GMPPB: variants seen among roughly 807,000 people sequenced by gnomAD.
GMPPB encodes mannose-1-phosphate guanylyltransferase catalytic subunit beta.
GMPPB carries 38 observed loss-of-function variants against 40.3 expected under a neutral mutation model. The observed-to-expected ratio is 0.94, with a 90% CI of 0.73 to 1.24. The LOEUF (loss-of-function observed/expected upper bound fraction) is 1.24. Among genes scored for constraint, GMPPB ranks in the 50% most tolerant of loss-of-function variants. The pLI is 0.00. For missense variants in GMPPB, 436 were observed against 487.1 expected, an observed-to-expected ratio of 0.90 and a Z score of 0.99; for synonymous variants, 193 against 191.8, an observed-to-expected ratio of 1.01 and a Z score of -0.05.
At chr3:49,722,915 T>A in intron 4 of GMPPB, 57 bp downstream of exon 4, 1 of 1,583,986 alleles carries the variant, frequency 6.3e-7, no homozygotes, top group Non-Finnish European at 8.6e-7. Flanking sequence ...CTAGGGGGCA[T>A]GGGAGGCTGG....
At position 49,721,734 on chromosome 3, in the gene GMPPB, C is replaced by T; in HGVS notation, c.*18G>A. On this transcript the variant is annotated 3_prime_UTR_variant, in exon 9 of 9. Transcript: ENST00000308388. ...GCTGATGGGAAAACCGGGGCTCGGC[C>T]AGCCCCACTGCATCCCCTCACATGA... 1 of 1,581,744 alleles carries T rather than the reference C, an allele frequency of 6.3e-7. No homozygotes were observed. Among genetic ancestry groups the T allele is most frequent in the South Asian group, 1.1e-5 (1 of 87,372 alleles).
chr3:49,723,925 G>T lies in GMPPB; in HGVS notation c.-199C>A. 2 of 527,898 alleles carry T rather than the reference G, an allele frequency of 3.8e-6. No homozygotes were observed. Among genetic ancestry groups the T allele is most frequent in the Non-Finnish European group, 6.4e-6 (2 of 312,976 alleles). The allele number at this position is 527,898 out of a possible 1,614,324, so 32.7% of individuals were successfully genotyped here. ...CCGCCACAACACAGAACGCGACACC[G>T]GGTAGACGGCTGCTGGCCCCGAACT... On this transcript the variant is annotated 5_prime_UTR_variant, in exon 1 of 9. Coordinates refer to ENST00000308388, the MANE Select transcript of GMPPB (RefSeq NM_021971.4).
rs1200883068 is a variant in GMPPB at position 49,722,072 on chromosome 3, C to T, written c.844G>A (p.Asp282Asn). Residue 282 changes from aspartate to asparagine, a missense_variant, in exon 8 of 9, where the codon GAT (aspartate) becomes AAT (asparagine). By Grantham distance (23) the Asp-to-Asn change is conservative. Coordinates refer to ENST00000308388, the MANE Select transcript of GMPPB (RefSeq NM_021971.4). ...GTGCACCGCCGGATACACACACCAT[C>T]TTCGACCACCACGCCAGGTCCCAGG... is the stretch of plus-strand genomic sequence containing the variant. Reference protein sequence around the residue: ...VSLGPGVVVEDGVCIRRCTVL... With the variant: ...VSLGPGVVVENGVCIRRCTVL... 3.1e-6 allele frequency: 5 copies of T among 1,613,498 alleles called. No homozygotes were observed. The African/African-American group carries it at 5.3e-5, about 17-fold the overall frequency.
chr3:49,720,353 C>A lies in GMPPB; in HGVS notation c.*1399G>T. On this transcript the variant is annotated 3_prime_UTR_variant, in exon 9 of 9. Coordinates refer to ENST00000308388, the MANE Select transcript of GMPPB (RefSeq NM_021971.4). ...AAAAAACAGGCTGTGTGGCACCTTA[C>A]TAGAATACAGGACTTGGGGTTTGGG... 1.2e-5 allele frequency: 7 copies of A among 589,646 alleles called. No individual in the cohort carries two copies. Among genetic ancestry groups the A allele is most frequent in the Non-Finnish European group, 1.9e-5 (7 of 375,338 alleles). The allele number at this position is 589,646 out of a possible 1,614,324, so 36.5% of individuals were successfully genotyped here. A position where few individuals can be genotyped will look rare whatever the true frequency, so the allele number is the denominator to read the frequency against.
At chr3:49,722,871 C>T (rs2080439383) in intron 4 of GMPPB, 101 bp downstream of exon 4, 1 of 1,501,068 alleles carries the variant, frequency 6.7e-7, no homozygotes, top group Non-Finnish European at 9.1e-7. Context: ...TACTGCACAG[C>T]TCTGTATCCA....
chr3:49,722,629 G>A lies in GMPPB; in HGVS notation c.528C>T (p.Tyr176=), dbSNP rs142451427. The change falls in exon 5 of 9, where the codon TAC becomes TAT. Residue 176 remains tyrosine (Y), a synonymous_variant. Coordinates refer to ENST00000308388, the MANE Select transcript of GMPPB (RefSeq NM_021971.4). ...FVSNKINAGM[Y]ILSPAVLQRI... ...GCTGCAGCACTGCAGGGCTCAGGAT[G>A]TACATGCCTGCGTTGATCTTATTGG... 5 of 1,614,028 alleles carry A rather than the reference G, an allele frequency of 3.1e-6. No individual in the cohort carries two copies. The highest frequency in any genetic ancestry group is 4.2e-6 in the Non-Finnish European group (5 of 1,180,042).
Position 49,720,766 on chromosome 3 carries a change from T to C in GMPPB, c.*986A>G. The C allele has an allele frequency of 6.2e-7, 1 of 1,613,360 alleles. No individual in the cohort carries two copies. Among genetic ancestry groups the C allele is most frequent in the Non-Finnish European group, 8.5e-7 (1 of 1,179,286 alleles). ...ATTCAAGAGGCATCACATCCTCAGCTACCTCTGACTTGACACTACCTACCA... is the reference window on the plus strand; with the variant it reads ...ATTCAAGAGGCATCACATCCTCAGCCACCTCTGACTTGACACTACCTACCA... On this transcript the variant is annotated 3_prime_UTR_variant, in exon 9 of 9. Transcript: ENST00000308388.
Position 49,721,451 on chromosome 3 carries a change from G to T in GMPPB, c.*301C>A. The T allele has an allele frequency of 9.0e-7, 1 of 1,111,966 alleles. No homozygotes were observed. Among genetic ancestry groups the T allele is most frequent in the Non-Finnish European group, 1.4e-6 (1 of 727,250 alleles). The allele number at this position is 1,111,966 out of a possible 1,614,324, so 68.9% of individuals were successfully genotyped here. On this transcript the variant is annotated 3_prime_UTR_variant, in exon 9 of 9. Transcript: ENST00000308388. ...CCTGCCTGTATCCTCATTGGTGGGAGCCCAGCCATGGCCCTAATTGTGCCT... is the reference window on the plus strand; with the variant it reads ...CCTGCCTGTATCCTCATTGGTGGGATCCCAGCCATGGCCCTAATTGTGCCT...
At chr3:49,723,139 C>T in intron 3 of GMPPB, 25 bp from the exon 4 acceptor site, 1 of 1,613,688 alleles carries the variant, frequency 6.2e-7, no homozygotes, top group Non-Finnish European at 8.5e-7. Flanking sequence ...CAGGTCACCA[C>T]CTTGCTGGAG....
rs772116517 is a variant in GMPPB, at chr3:49,723,377, G to A, written c.210+15C>T. The A allele has an allele frequency of 4.3e-6, 7 of 1,614,108 alleles. No homozygotes were observed. The South Asian group carries it at 4.4e-5, about 10-fold the overall frequency. ...GGCGGGGACCGAGAATAAGGGCCAA[G>A]AGTCTGTGCCTCACCCTCTGCTCCT... On this transcript the variant is annotated intron_variant, in intron 2 of 8. Coordinates refer to ENST00000308388, the MANE Select transcript of GMPPB (RefSeq NM_021971.4).
rs1008153286 is a variant in GMPPB, at chr3:49,723,792, C to T, written c.-66G>A. ...TGCCTGCAGCCCGCCTGGCCGGTCC[C>T]TGCCGCGCACTCCCAACGCCGTGCC... On this transcript the variant is annotated 5_prime_UTR_variant, in exon 1 of 9. Transcript: ENST00000308388. 2 of 1,486,060 alleles carry T rather than the reference C, an allele frequency of 1.3e-6. No homozygotes were observed. The highest frequency in any genetic ancestry group is 1.8e-6 in the Non-Finnish European group (2 of 1,128,288). The allele number at this position is 1,486,060 out of a possible 1,614,324, so 92.1% of individuals were successfully genotyped here. A position where few individuals can be genotyped will look rare whatever the true frequency, so the allele number is the denominator to read the frequency against.
rs1227876158 is a variant in GMPPB, at chr3:49,721,436, T to C, written c.*316A>G. On this transcript the variant is annotated 3_prime_UTR_variant, in exon 9 of 9. Coordinates refer to ENST00000308388, the MANE Select transcript of GMPPB (RefSeq NM_021971.4). ...CATCCAACCTCCTTGCCTGCCTGTA[T>C]CCTCATTGGTGGGAGCCCAGCCATG... is the stretch of plus-strand genomic sequence containing the variant. 27 of 1,261,636 alleles carry C rather than the reference T, an allele frequency of 2.1e-5. No homozygotes were observed. The highest frequency in any genetic ancestry group is 2.9e-5 in the Non-Finnish European group (25 of 861,762). The allele number at this position is 1,261,636 out of a possible 1,614,324, so 78.2% of individuals were successfully genotyped here.
In GMPPB at chr3:49,722,076, G is replaced by A. The variant is rs763668055; in HGVS notation, c.840C>T (p.Val280=). 1.1e-5 allele frequency: 18 copies of A among 1,613,574 alleles called. No individual in the cohort carries two copies. The highest frequency in any genetic ancestry group is 1.7e-5 in the Admixed American group (1 of 60,022). The stretch of plus-strand genomic sequence containing the variant: ...ACCGCCGGATACACACACCATCTTC[G>A]ACCACCACGCCAGGTCCCAGGCTCA... ...PNVSLGPGVV[V]EDGVCIRRCT... is the part of the protein sequence containing the mutation. Residue 280 remains valine, a synonymous_variant, in exon 8 of 9, where the codon GTC becomes GTT. Coordinates refer to ENST00000308388, the MANE Select transcript of GMPPB (RefSeq NM_021971.4).
At position 49,722,580 on chromosome 3, in the gene GMPPB, G is replaced by A. The variant is rs1199686704; in HGVS notation, c.561+16C>T. On this transcript the variant is annotated intron_variant, in intron 5 of 8. Transcript: ENST00000308388. ...CCTGCCCCACCCCAGCCCACCAACA[G>A]CTGTCTCCTACACACCTGGATGCGC... 1 of 1,613,558 alleles carries A rather than the reference G, an allele frequency of 6.2e-7. No individual in the cohort carries two copies. Among genetic ancestry groups the A allele is most frequent in the Non-Finnish European group, 8.5e-7 (1 of 1,179,602 alleles).
rs755508006 is a variant in GMPPB, at chr3:49,723,411, A to C, written c.191T>G (p.Met64Arg). 4 of 1,614,038 alleles carry C rather than the reference A, an allele frequency of 2.5e-6. No homozygotes were observed. The highest frequency in any genetic ancestry group is 3.3e-4 in the Middle Eastern group (2 of 6,062). The change falls in exon 2 of 9, where the codon ATG (methionine) becomes AGG (arginine). Residue 64 changes from methionine (M) to arginine (R), a missense_variant. By Grantham distance (91) the Met-to-Arg change is moderately conservative (BLOSUM62 -1). Coordinates refer to ENST00000308388, the MANE Select transcript of GMPPB (RefSeq NM_021971.4). ...SYMSQVLEKE[M>R]KAQEQRLGIR... ...CCTCACCCTCTGCTCCTGTGCCTTC[A>C]TTTCCTTCTCCAGCACCTGCGACAT...
At chr3:49,722,170 A>G (rs770010003) in intron 7 of GMPPB, 23 bp from the exon 8 acceptor site, 35 of 1,606,734 alleles carry the variant, frequency 2.2e-5, no homozygotes, top group Non-Finnish European at 2.7e-5. Context: ...GGAAAAATAC[A>G]AGTGGGCCAC....
rs539632278 is a variant in GMPPB at position 49,723,312 on chromosome 3, A to C, written c.211-10T>G. The C allele has an allele frequency of 2.2e-5, 35 of 1,614,186 alleles. No individual in the cohort carries two copies. The East Asian group carries it at 7.6e-4, about 35-fold the overall frequency. ...AGATTCGGATTCCCAGCTGGAAGGAAGAGGCCCCCCCAGTCAGGTTCTACC... is the reference window on the plus strand; with the variant it reads ...AGATTCGGATTCCCAGCTGGAAGGACGAGGCCCCCCCAGTCAGGTTCTACC... On this transcript the variant is annotated splice_polypyrimidine_tract_variant and intron_variant, in intron 2 of 8. Transcript: ENST00000308388.
At position 49,720,858 on chromosome 3, in the gene GMPPB, G is replaced by A; in HGVS notation, c.*894C>T. The A allele has an allele frequency of 6.2e-7, 1 of 1,614,158 alleles. No individual in the cohort carries two copies. The highest frequency in any genetic ancestry group is 1.1e-5 in the South Asian group (1 of 91,084). ...AAGTGGAACAGATGCTGGCGCACCTGACCTCTGCATCTGCCCAGGCAGCAG... is the reference window on the plus strand; with the variant it reads ...AAGTGGAACAGATGCTGGCGCACCTAACCTCTGCATCTGCCCAGGCAGCAG... On this transcript the variant is annotated 3_prime_UTR_variant, in exon 9 of 9. Transcript: ENST00000308388.
In GMPPB at chr3:49,721,357, G is replaced by T; in HGVS notation, c.*395C>A. The T allele has an allele frequency of 6.2e-7, 1 of 1,612,924 alleles. No homozygotes were observed. The highest frequency in any genetic ancestry group is 8.5e-7 in the Non-Finnish European group (1 of 1,178,990). ...CCTCCACCTTTGAACCCAGAGCCAGGCTGGGCCCTATTTATGAGCTCCCTT... is the reference window on the plus strand; with the variant it reads ...CCTCCACCTTTGAACCCAGAGCCAGTCTGGGCCCTATTTATGAGCTCCCTT... On this transcript the variant is annotated 3_prime_UTR_variant, in exon 9 of 9. Coordinates refer to ENST00000308388, the MANE Select transcript of GMPPB (RefSeq NM_021971.4).
Sources: allele counts gnomAD v4.1 joint callset, GRCh38; gene constraint gnomAD v4.1.1; transcripts MANE v1.5; gene names NCBI Gene and HGNC (gene_info 2026-07-23, HGNC 2026-07-21).